The following FAH variants were observed in gnomAD, a reference collection of about 807,000 sequenced individuals.
FAH encodes fumarylacetoacetase.
In FAH, 47 loss-of-function variants were observed where a neutral mutation model predicts 55.8. The ratio of observed to expected loss-of-function variants is 0.84; its 90% CI spans 0.67 to 1.07. The LOEUF (loss-of-function observed/expected upper bound fraction) is 1.07. Among genes scored for constraint, FAH ranks in the 50% least tolerant of loss-of-function variants. The pLI is 0.00. For synonymous variants in FAH, 199 were observed against 207.7 expected (o/e 0.96, Z 0.36); for missense variants, 495 against 545.9 (o/e 0.91, Z 0.93).
Position 80,172,882 on chromosome 15 carries a change from G to C in FAH, c.707-132G>C, listed in dbSNP as rs145973075. The C allele has an allele frequency of 1.3e-5, 16 of 1,236,524 alleles. No individual in the cohort carries two copies. In the African/African-American group the frequency reaches 1.5e-4, roughly 12 times the overall value. 76.6% of individuals were successfully genotyped at this position (1,236,524 alleles called of 1,614,324 possible). A position where few individuals can be genotyped will look rare whatever the true frequency, so the allele number is the denominator to read the frequency against. On this transcript the variant is annotated intron_variant, in intron 8 of 13. Transcript: ENST00000561421. ...GCTCTTGCCCCTTTGTCCTGGGGCA[G>C]CCTGACTGGGGCTGATCTTTGTGGA... is the stretch of plus-strand genomic sequence containing the variant.
chr15:80,181,241 C>A, intron 13 of FAH, 82 bp downstream of exon 13: 1 of 948,428 alleles, frequency 1.1e-6, no homozygotes, highest in African/African-American at 1.6e-5. Flanking sequence ...CCTACCTGGC[C>A]ATGAAGCCAT....
intron 11 of FAH, among the ~76,000 whole-genome samples, chr15:80,178,205 ATAAAAAT>A (rs1372546934): frequency 7.2e-6 from 1 of 139,466 alleles, no homozygotes; most frequent in Non-Finnish European, 1.6e-5. Context: ...ATTTCAAAAA[ATAAAAAT>A]TAAAAAAAGT....
intron 5 of FAH, among the ~76,000 whole-genome samples, chr15:80,165,075 A>G (rs999767162): frequency 2.0e-5 from 3 of 152,188 alleles, no homozygotes; most frequent in African/African-American, 7.2e-5. Flanking sequence ...GTAAAATATC[A>G]TTTTTATAAA....
chr15:80,164,549 C>A (rs1206385184), intron 5 of FAH, among the ~76,000 whole-genome samples: 2 of 152,070 alleles, frequency 1.3e-5, no homozygotes, highest in Non-Finnish European at 2.9e-5. Flanking sequence ...CACACACACG[C>A]ATGTACACAT....
intron 7 of FAH, among the ~76,000 whole-genome samples, chr15:80,170,838 G>C (rs2041234711): frequency 6.6e-6 from 1 of 152,154 alleles, no homozygotes; most frequent in Non-Finnish European, 1.5e-5. Flanking sequence ...ACTAAGTTTT[G>C]CAAATGTCAT....
chr15:80,168,234 G>A (rs562304766), intron 6 of FAH, 30 bp from the exon 7 acceptor site: 5 of 1,491,612 alleles, frequency 3.4e-6, no homozygotes, highest in African/African-American at 2.9e-5. Flanking sequence ...TCACAGCACC[G>A]TTTTTTTTTT....
At position 80,173,025 on chromosome 15, in the gene FAH, C is replaced by G. The variant is rs1315840625; in HGVS notation, c.718C>G (p.Gln240Glu). 6.2e-7 allele frequency: 1 copy of G among 1,614,232 alleles called. No homozygotes were observed. The highest frequency in any genetic ancestry group is 1.1e-5 in the South Asian group (1 of 91,086). Reference sequence around the variant, plus strand: ...CCCTTCTTCTGCAGCACGAGACATTCAGAAGTGGGAGTATGTCCCTCTCGG... The same window carrying G: ...CCCTTCTTCTGCAGCACGAGACATTGAGAAGTGGGAGTATGTCCCTCTCGG... The part of the protein sequence containing the change: ...LMNDWSARDI[Q>E]KWEYVPLGPF... Residue 240 changes from glutamine to glutamate, a missense_variant, in exon 9 of 14, where the codon CAG becomes GAG. Physicochemically the swap from Gln to Glu is conservative, Grantham distance 29. Transcript: ENST00000561421.
intron 7 of FAH, among the ~76,000 whole-genome samples, chr15:80,170,813 A>G (rs904495599): frequency 6.6e-6 from 1 of 152,232 alleles, no homozygotes; most frequent in Non-Finnish European, 1.5e-5. Flanking sequence ...TTGTCACAGA[A>G]CAAATAAAAT....
intron 5 of FAH, chr15:80,166,498 C>T (rs1294195330): frequency 1.3e-5 from 2 of 151,852 alleles, no homozygotes; most frequent in Admixed American, 6.6e-5. Context: ...AGTCATTTCT[C>T]TATTATTAGT....
Position 80,172,199 on chromosome 15 carries a change from C to T in FAH, c.657C>T (p.Ser219=), listed in dbSNP as rs1216682246. The stretch of plus-strand genomic sequence containing the variant: ...GATTGGGAGAGCCGATCCCCATTTC[C>T]AAGGCCCATGAGCACATTTTTGGAA... ...GNRLGEPIPI[S]KAHEHIFGMV... Residue 219 remains serine (S), a synonymous_variant, in exon 8 of 14, where the codon TCC becomes TCT. Coordinates refer to ENST00000561421, the MANE Select transcript of FAH (RefSeq NM_000137.4). 1.9e-6 allele frequency: 3 copies of T among 1,614,056 alleles called. No homozygotes were observed. The highest frequency in any genetic ancestry group is 2.7e-5 in the African/African-American group (2 of 74,926).
intron 1 of FAH, 134 bp downstream of exon 1, chr15:80,153,269 C>G (rs2041069712): frequency 1.3e-6 from 1 of 765,436 alleles, no homozygotes. Flanking sequence ...TCTTAAGATT[C>G]GTTCCGTGAG....
Position 80,181,010 on chromosome 15 carries a change from T to A in FAH, c.1063-32T>A, listed in dbSNP as rs1372232772. 7 of 1,554,062 alleles carry A rather than the reference T, an allele frequency of 4.5e-6. No individual in the cohort carries two copies. The Admixed American group carries it at 1.0e-4, about 22-fold the overall frequency. The stretch of plus-strand genomic sequence containing the variant: ...ATGCCAGAGCCAAGGCATAAATTCA[T>A]GTTATTCTTTCTTCCCTTTCCTGTG... On this transcript the variant is annotated intron_variant, in intron 12 of 13. Coordinates refer to ENST00000561421, the MANE Select transcript of FAH (RefSeq NM_000137.4).
intron 5 of FAH, among the ~76,000 whole-genome samples, chr15:80,164,254 G>A (rs911408318): frequency 6.6e-6 from 1 of 152,160 alleles, no homozygotes; most frequent in Non-Finnish European, 1.5e-5. Context: ...CAGCTTTAGA[G>A]GTTGCCTGTA....
rs549421473 is a variant in FAH at position 80,179,454 on chromosome 15, A to G, written c.961-670A>G. ...CAAGAATCCATCTTTTGGGTTTCCT[A>G]TGCCGGGATGTGTGGCTGTAGGAAT... is the stretch of plus-strand genomic sequence containing the variant. On this transcript the variant is annotated intron_variant, in intron 11 of 13. Coordinates refer to ENST00000561421, the MANE Select transcript of FAH (RefSeq NM_000137.4). 3.9e-5 allele frequency among the ~76,000 whole-genome samples: 6 copies of G among 152,140 alleles called. No individual in the cohort carries two copies. In the Middle Eastern group the frequency reaches 0.01, roughly 259 times the overall value.
intron 5 of FAH, chr15:80,163,317 TTG>T (rs1337953702): frequency 7.2e-5 from 11 of 152,336 alleles, no homozygotes; most frequent in African/African-American, 2.7e-4. Context: ...CAGGCTGTAT[TTG>T]TCCCCAGCCA....
intron 2 of FAH, among the ~76,000 whole-genome samples, chr15:80,159,281 C>T (rs2041127295): frequency 6.6e-6 from 1 of 151,858 alleles, no homozygotes; most frequent in Non-Finnish European, 1.5e-5. Context: ...ACTATATTGC[C>T]CAGGCTGATC....
In FAH at chr15:80,186,301, C is replaced by G; in HGVS notation, c.*92C>G. The G allele has an allele frequency of 4.0e-6, 4 of 993,604 alleles. No individual in the cohort carries two copies. Among genetic ancestry groups the G allele is most frequent in the Non-Finnish European group, 6.4e-6 (4 of 620,786 alleles). The allele number at this position is 993,604 out of a possible 1,614,324, so 61.5% of individuals were successfully genotyped here. On this transcript the variant is annotated 3_prime_UTR_variant, in exon 14 of 14. Transcript: ENST00000561421. ...CCCTCGGGCTGTAGGCCTGGTCCGC[C>G]ATTCAGTGACAAATAAAGCCATTGT...
intron 12 of FAH, 24 bp from the exon 13 acceptor site, chr15:80,181,018 T>C: frequency 6.3e-7 from 1 of 1,578,778 alleles, no homozygotes; most frequent in Non-Finnish European, 8.7e-7. Flanking sequence ...CATGTTATTC[T>C]TTCTTCCCTT....
intron 13 of FAH, 23 bp downstream of exon 13, chr15:80,181,182 G>A (rs1567121945): frequency 6.5e-7 from 1 of 1,530,406 alleles, no homozygotes; most frequent in Non-Finnish European, 9.1e-7. Context: ...AAACCCAGCA[G>A]CTCGTCTTCC....
Sources: gnomAD v4.1 joint callset for allele counts (sites outside exome capture counted in the v4.1 genomes callset) on GRCh38, gnomAD v4.1.1 for gene constraint, MANE v1.5 for transcripts, NCBI Gene and HGNC (gene_info 2026-07-23, HGNC 2026-07-21) for gene names.